MAST4: variants seen among roughly 807,000 people sequenced by gnomAD.
The protein encoded by MAST4 is microtubule-associated serine/threonine-protein kinase 4.
MAST4 carries 89 observed loss-of-function variants against 162.7 expected under a neutral mutation model. That is an observed-to-expected ratio of 0.55 (90% CI 0.46 to 0.65). MAST4 has a LOEUF of 0.65. Among genes scored for constraint, MAST4 ranks in the 30% least tolerant of loss-of-function variants. The pLI, the probability that MAST4 is intolerant of heterozygous loss-of-function variation, is 0.00. For synonymous variants in MAST4, 1,479 were observed against 1,361.1 expected, an observed-to-expected ratio of 1.09 and a Z score of -1.91; for missense variants, 3,153 against 3,374.0, an observed-to-expected ratio of 0.93 and a Z score of 1.62.
At chr5:66,618,169 C>G (rs182047887) in intron 1 of MAST4, among the ~76,000 whole-genome samples, 425 of 152,316 alleles carry the variant, frequency 2.8e-3, no homozygotes, top group Non-Finnish European at 4.5e-3. Context: ...GCCGAGTGCT[C>G]TTTCCTGCCC....
rs1381454591 is a variant in MAST4 at position 67,163,966 on chromosome 5, C to T, written c.4787C>T (p.Ala1596Val). ...TFENKASMQE[A>V]PPLGSLLKDA... Reference sequence around the variant, plus strand: ...GAAAACAAAGCGTCTATGCAGGAGGCGCCACCGCTGGGCAGCCTGCTGAAG... The same window carrying T: ...GAAAACAAAGCGTCTATGCAGGAGGTGCCACCGCTGGGCAGCCTGCTGAAG... The change falls in exon 29 of 29, where the codon GCG (alanine) becomes GTG (valine). Residue 1596 changes from alanine (A) to valine (V), a missense_variant. Ala to Val is a moderately conservative substitution (Grantham distance 64). This residue lies in a region of MAST4 where 1,644 missense variants were observed against 1,495.0 expected (regional missense o/e 1.10). Transcript: ENST00000403625. This position sits in a 1 kb window ranked among gnomAD's most constrained non-coding sequence, Gnocchi z 7.0. 1 of 1,610,358 alleles carries T rather than the reference C, an allele frequency of 6.2e-7. No homozygotes were observed. Among genetic ancestry groups the T allele is most frequent in the East Asian group, 2.2e-5 (1 of 44,782 alleles).
At chr5:66,749,543 A>G (rs1182396452) in intron 1 of MAST4, among the ~76,000 whole-genome samples, 1 of 152,218 alleles carries the variant, frequency 6.6e-6, no homozygotes, top group Non-Finnish European at 1.5e-5. Context: ...CTTGTGAACC[A>G]TTGATGATGA....
In MAST4 at chr5:66,642,361, A is replaced by G. The variant is rs186695532; in HGVS notation, c.363+45343A>G. Reference sequence around the variant, plus strand: ...AGGAGGAACCTCAACATTATAAAAAACTTAAGTGTATCAATTGTAATGTAT... The same window carrying G: ...AGGAGGAACCTCAACATTATAAAAAGCTTAAGTGTATCAATTGTAATGTAT... On this transcript the variant is annotated intron_variant, in intron 1 of 28. Coordinates refer to ENST00000403625, the MANE Select transcript of MAST4 (RefSeq NM_001164664.2). Among the ~76,000 whole-genome samples, 12 of 152,346 alleles carry G rather than the reference A, an allele frequency of 7.9e-5. No individual in the cohort carries two copies. In the East Asian group the frequency reaches 2.1e-3, roughly 27 times the overall value.
intron 23 of MAST4, among the ~76,000 whole-genome samples, chr5:67,146,347 T>C (rs917763922): frequency 2.0e-5 from 3 of 152,250 alleles, no homozygotes; most frequent in African/African-American, 7.2e-5. Context: ...TTGCAATTAA[T>C]TGCACCAAAA....
intron 3 of MAST4, among the ~76,000 whole-genome samples, chr5:66,873,520 A>G (rs1380252831): frequency 1.3e-5 from 2 of 152,224 alleles, no homozygotes; most frequent in South Asian, 2.1e-4. Context: ...TTGTGAGTCT[A>G]CGTTGAAGAA....
At chr5:66,767,172 TGTGTGTGTGTG>T (rs1215629833) in intron 2 of MAST4, among the ~76,000 whole-genome samples, 114 of 33,990 alleles carry the variant, frequency 3.4e-3, no homozygotes, top group African/African-American at 7.2e-3. Flanking sequence ...AAAGTGCACG[TGTGTGTGTGTG>T]TGTGTGTGTG....
In MAST4 at chr5:67,136,655, C is replaced by G. The variant is rs746880126; in HGVS notation, c.2485C>G (p.Leu829Val). 2.5e-6 allele frequency: 4 copies of G among 1,596,322 alleles called. No individual in the cohort carries two copies. Among genetic ancestry groups the G allele is most frequent in the East Asian group, 2.3e-5 (1 of 44,322 alleles). Residue 829 changes from leucine (L) to valine (V), a missense_variant, in exon 19 of 29, where the codon CTG becomes GTG. Physicochemically the swap from Leu to Val is conservative, Grantham distance 32. Coordinates refer to ENST00000403625, the MANE Select transcript of MAST4 (RefSeq NM_001164664.2). Reference protein sequence around the residue: ...LLLRQNPLERLGTGGAYEVKQ... With the variant: ...LLLRQNPLERVGTGGAYEVKQ... ...CCTCAGGCAGAATCCCCTGGAGAGG[C>G]TGGGAACAGGTTAGAGCCCATGTGT...
intron 4 of MAST4, among the ~76,000 whole-genome samples, chr5:67,014,871 C>G (rs575264615): frequency 6.6e-5 from 10 of 152,288 alleles, no homozygotes; most frequent in African/African-American, 2.4e-4. Context: ...TAATCAAGAG[C>G]AATTGTGGTT....
At chr5:66,994,836 G>A (rs897811110) in intron 4 of MAST4, among the ~76,000 whole-genome samples, 3 of 152,160 alleles carry the variant, frequency 2.0e-5, no homozygotes, top group African/African-American at 7.2e-5. Flanking sequence ...TTATATTCAT[G>A]TCTAGATAAT....
intron 5 of MAST4, among the ~76,000 whole-genome samples, chr5:67,078,905 T>TATGTAA (rs1762140916): frequency 1.0e-4 from 1 of 9,782 alleles, no homozygotes; most frequent in African/African-American, 2.8e-4. Context: ...TATATATTTT[T>TATGTAA]ATATAAATAT....
chr5:66,700,804 C>T (rs1022736866), intron 1 of MAST4, among the ~76,000 whole-genome samples: 124 of 126,080 alleles, frequency 9.8e-4, no homozygotes, highest in Middle Eastern at 8.9e-3. Flanking sequence ...TATATATACA[C>T]ACACACACAC....
intron 21 of MAST4, among the ~76,000 whole-genome samples, chr5:67,143,991 C>G (rs1646911552): frequency 6.6e-6 from 1 of 151,642 alleles, no homozygotes; most frequent in African/African-American, 2.4e-5. Context: ...TCTTAGACCC[C>G]CATTTTACCT....
chr5:67,115,543 C>G (rs192028626), intron 12 of MAST4, among the ~76,000 whole-genome samples: 13 of 152,342 alleles, frequency 8.5e-5, no homozygotes, highest in African/African-American at 3.1e-4. Flanking sequence ...ACAACAGATT[C>G]ATCACTTATC....
intron 4 of MAST4, among the ~76,000 whole-genome samples, chr5:66,995,888 TACACACAC>T (rs34561453): frequency 1.4e-5 from 2 of 147,236 alleles, no homozygotes; most frequent in Non-Finnish European, 3.0e-5. Flanking sequence ...CACACTCACA[TACACACAC>T]ACACACACAC....
chr5:66,996,503 T>A (rs1750677344), intron 4 of MAST4, among the ~76,000 whole-genome samples: 1 of 152,160 alleles, frequency 6.6e-6, no homozygotes, highest in African/African-American at 2.4e-5. Flanking sequence ...AAAACTAGCT[T>A]ATATTTATTT....
intron 1 of MAST4, among the ~76,000 whole-genome samples, 169 bp downstream of exon 1, chr5:66,597,187 G>A (rs1742242167): frequency 6.6e-6 from 1 of 152,200 alleles, no homozygotes; most frequent in Non-Finnish European, 1.5e-5. Context: ...GCCCCCCTGT[G>A]GGTTATTGAC....
At position 66,907,158 on chromosome 5, in the gene MAST4, C is replaced by CAAGAGAGA. The variant is rs1554066737; in HGVS notation, c.674+7176_674+7177insAAGAGAGA. The stretch of plus-strand genomic sequence containing the variant: ...AAAGGAAAAATAACTCTCAGCAAAG[C>CAAGAGAGA]GAGAGAGAGAGAGAGAGAGAGAGAG... On this transcript the variant is annotated intron_variant, in intron 4 of 28. Transcript: ENST00000403625. Among the ~76,000 whole-genome samples, 417 of 104,350 alleles carry CAAGAGAGA rather than the reference C, an allele frequency of 4.0e-3. 7 individuals are homozygous for CAAGAGAGA. Among genetic ancestry groups the CAAGAGAGA allele is most frequent in the Admixed American group, 9.5e-3 (96 of 10,156 alleles). 68.5% of individuals were successfully genotyped at this position (104,350 alleles called of 152,430 possible). A position where few individuals can be genotyped will look rare whatever the true frequency, so the allele number is the denominator to read the frequency against.
At chr5:66,931,505 G>A (rs900211953) in intron 4 of MAST4, among the ~76,000 whole-genome samples, 4 of 152,078 alleles carry the variant, frequency 2.6e-5, no homozygotes, top group African/African-American at 9.7e-5. Flanking sequence ...GAAAGGAGCC[G>A]AGCTAACTCT....
chr5:66,770,322 A>G (rs1325337416), intron 2 of MAST4, among the ~76,000 whole-genome samples: 6 of 152,186 alleles, frequency 3.9e-5, no homozygotes, highest in Non-Finnish European at 7.3e-5. Context: ...CCTCCTTGTC[A>G]GGAGTAGTAA....
Sources: allele counts gnomAD v4.1 joint callset (sites outside exome capture counted in the v4.1 genomes callset), GRCh38; gene constraint gnomAD v4.1.1; regional missense constraint gnomAD v4.1.1; non-coding constraint Gnocchi (gnomAD v3.1); transcripts MANE v1.5; gene names NCBI Gene and HGNC (gene_info 2026-07-23, HGNC 2026-07-21).